The following PDZD2 variants were observed in gnomAD, a reference collection of about 807,000 sequenced individuals.
PDZD2 encodes PDZ domain containing 2.
PDZD2 carries 90 observed loss-of-function variants against 220.7 expected under a neutral mutation model. That is an observed-to-expected ratio of 0.41 (90% CI 0.34 to 0.49). PDZD2 has a LOEUF of 0.49. Among genes scored for constraint, PDZD2 ranks in the 20% least tolerant of loss-of-function variants. PDZD2 has a pLI of 0.28. For missense variants in PDZD2, 3,174 were observed against 3,608.5 expected (o/e 0.88, Z 3.08); for synonymous variants, 1,375 against 1,450.5 (o/e 0.95, Z 1.18).
At position 32,087,895 on chromosome 5, in the gene PDZD2, C is replaced by G. The variant is rs1554040817; in HGVS notation, c.4447C>G (p.Pro1483Ala). ...EPVPGGQTSS[P>A]RRAWAAGAPA... ...AGTCCCGGGGGGCCAGACCTCCTCCCCGAGGAGGGCCTGGGCTGCTGGTGC... is the reference window on the plus strand; with the variant it reads ...AGTCCCGGGGGGCCAGACCTCCTCCGCGAGGAGGGCCTGGGCTGCTGGTGC... Residue 1483 changes from proline (P) to alanine (A), a missense_variant, in exon 20 of 25, where the codon CCG (proline) becomes GCG (alanine). Transcript: ENST00000438447. This position sits in a 1 kb window ranked among gnomAD's most constrained non-coding sequence, Gnocchi z 4.0. 1 of 1,613,070 alleles carries G rather than the reference C, an allele frequency of 6.2e-7. No individual in the cohort carries two copies. Among genetic ancestry groups the G allele is most frequent in the Admixed American group, 1.7e-5 (1 of 59,904 alleles).
Position 31,916,959 on chromosome 5 carries a change from T to C in PDZD2, c.477-66196T>C, listed in dbSNP as rs778383519. Among the ~76,000 whole-genome samples the C allele has an allele frequency of 7.9e-5, 12 of 152,094 alleles. 1 individual carries two copies. The highest frequency in any genetic ancestry group is 1.5e-4 in the Non-Finnish European group (10 of 68,020). On this transcript the variant is annotated intron_variant, in intron 2 of 24. Coordinates refer to ENST00000438447, the MANE Select transcript of PDZD2 (RefSeq NM_178140.4). ...ACTGTTTATAAACTCCATAAAACCA[T>C]GTGCAAATGTGGGGAACTTAGGCTG...
intron 2 of PDZD2, among the ~76,000 whole-genome samples, chr5:31,901,039 T>C (rs1233542506): frequency 6.6e-6 from 1 of 152,158 alleles, no homozygotes; most frequent in East Asian, 1.9e-4. Context: ...GAAGGGGAGT[T>C]GGAGGCAAGA....
intron 19 of PDZD2, among the ~76,000 whole-genome samples, chr5:32,086,781 A>G (rs112130045): frequency 0.034 from 5,127 of 150,930 alleles, 314 homozygotes; most frequent in African/African-American, 0.12. Context: ...GGTTCAAGCA[A>G]TTCTCCTGCC....
At chr5:31,837,863 G>A (rs181458130) in intron 2 of PDZD2, among the ~76,000 whole-genome samples, 3 of 152,200 alleles carry the variant, frequency 2.0e-5, no homozygotes, top group Admixed American at 2.0e-4. Context: ...CTTTGGCCTG[G>A]GTGAGTGACA....
At chr5:31,938,042 G>GA (rs1561132722) in intron 2 of PDZD2, among the ~76,000 whole-genome samples, 1 of 152,156 alleles carries the variant, frequency 6.6e-6, no homozygotes, top group Non-Finnish European at 1.5e-5. Flanking sequence ...CCGATCTTTA[G>GA]AAAAAAACAT....
intron 2 of PDZD2, among the ~76,000 whole-genome samples, chr5:31,889,329 G>A (rs768033288): frequency 8.5e-5 from 13 of 152,160 alleles, no homozygotes; most frequent in Non-Finnish European, 2.9e-5. Context: ...TTCTGTTTCG[G>A]CCTTTTCTTT....
rs1244346896 is a variant in PDZD2 at position 32,109,804 on chromosome 5, T to C, written c.*1669T>C. The C allele has an allele frequency of 6.6e-6, 1 of 152,618 alleles. No individual in the cohort carries two copies. The highest frequency in any genetic ancestry group is 1.9e-4 in the East Asian group (1 of 5,206). 9.5% of individuals were successfully genotyped at this position (152,618 alleles called of 1,614,324 possible). A position where few individuals can be genotyped will look rare whatever the true frequency, so the allele number is the denominator to read the frequency against. On this transcript the variant is annotated 3_prime_UTR_variant, in exon 25 of 25. Coordinates refer to ENST00000438447, the MANE Select transcript of PDZD2 (RefSeq NM_178140.4). The stretch of plus-strand genomic sequence containing the variant: ...CTTTAGCCATCAGCTTTGTACATCA[T>C]CATTTTTCTGAATGACCAATCCCAC...
chr5:31,936,306 A>C (rs1167949371), intron 2 of PDZD2: 1 of 987,434 alleles, frequency 1.0e-6, no homozygotes, highest in African/African-American at 1.7e-5. Flanking sequence ...AGGCTGCTGA[A>C]GCACAGCAGA....
intron 1 of PDZD2, among the ~76,000 whole-genome samples, chr5:31,741,436 T>C (rs774672312): frequency 6.6e-6 from 1 of 151,910 alleles, no homozygotes; most frequent in Non-Finnish European, 1.5e-5. Flanking sequence ...CATAGCTCCA[T>C]GGTGAATTAG....
intron 1 of PDZD2, among the ~76,000 whole-genome samples, chr5:31,667,543 G>C (rs1746043259): frequency 6.6e-6 from 1 of 151,638 alleles, no homozygotes; most frequent in Non-Finnish European, 1.5e-5. Context: ...ATGAGGAGAG[G>C]CCTGAGCTAT....
intron 6 of PDZD2, among the ~76,000 whole-genome samples, chr5:32,015,222 G>A (rs946263317): frequency 5.3e-5 from 8 of 151,882 alleles, no homozygotes; most frequent in African/African-American, 1.7e-4. Flanking sequence ...GATTACAGTC[G>A]GTAGCCACCG....
chr5:31,699,718 C>T (rs59535509), intron 1 of PDZD2, among the ~76,000 whole-genome samples: 21,959 of 151,704 alleles, frequency 0.14, 1,650 homozygotes, highest in East Asian at 0.24. Flanking sequence ...GTTCTCATGC[C>T]TCAGCCTCCT....
At chr5:31,649,421 T>G (rs1437797558) in intron 1 of PDZD2, among the ~76,000 whole-genome samples, 3 of 150,548 alleles carry the variant, frequency 2.0e-5, no homozygotes, top group Non-Finnish European at 4.4e-5. Context: ...CCCCAGATCT[T>G]CACAAGAACA....
chr5:32,054,387 G>A (rs1264248848), intron 10 of PDZD2, among the ~76,000 whole-genome samples: 1 of 129,826 alleles, frequency 7.7e-6, no homozygotes, highest in African/African-American at 2.9e-5. Flanking sequence ...GCAGTGGCAT[G>A]ATCATGGCTC....
In PDZD2 at chr5:32,010,370, G is replaced by T; in HGVS notation, c.1295G>T (p.Ser432Ile). ...GACCTCCTCAGGTTAACATCTAAGA[G>T]CTTGCCAGATCTGACCAGCTCGGTA... ...AEDLLRLTSK[S>I]LPDLTSSVED... Residue 432 changes from serine to isoleucine, a missense_variant, in exon 6 of 25, where the codon AGC (serine) becomes ATC (isoleucine). Transcript: ENST00000438447. 6.2e-7 allele frequency: 1 copy of T among 1,611,784 alleles called. No individual in the cohort carries two copies. Among genetic ancestry groups the T allele is most frequent in the South Asian group, 1.1e-5 (1 of 91,002 alleles).
intron 6 of PDZD2, among the ~76,000 whole-genome samples, chr5:32,028,666 T>TTG (rs1754867418): frequency 2.4e-5 from 3 of 126,344 alleles, no homozygotes; most frequent in Admixed American, 8.5e-5. Context: ...CCTTCTATTT[T>TTG]TTTTTTTTGT....
rs79551610 is a variant in PDZD2, at chr5:31,647,217, T to C, written c.-361+7780T>C. 8.4e-3 allele frequency among the ~76,000 whole-genome samples: 1,274 copies of C among 152,296 alleles called. 18 individuals carry two copies. Among genetic ancestry groups the C allele is most frequent in the African/African-American group, 0.028 (1,183 of 41,550 alleles). On this transcript the variant is annotated intron_variant, in intron 1 of 24. Coordinates refer to ENST00000438447, the MANE Select transcript of PDZD2 (RefSeq NM_178140.4). ...CTTCAGGATCCAGTACAATGCCTAGTACATGGGTAAAAATTAAAATTATTT... is the reference window on the plus strand; with the variant it reads ...CTTCAGGATCCAGTACAATGCCTAGCACATGGGTAAAAATTAAAATTATTT...
At chr5:32,052,426 A>G (rs147464148) in intron 8 of PDZD2, 185 bp from the exon 9 acceptor site, 12,267 of 535,768 alleles carry the variant, frequency 0.023, 188 homozygotes, top group Non-Finnish European at 0.03. Context: ...GATTACAGGC[A>G]TGAGCCACGG....
intron 2 of PDZD2, among the ~76,000 whole-genome samples, chr5:31,899,275 C>T (rs946534802): frequency 6.6e-6 from 1 of 152,120 alleles, no homozygotes; most frequent in East Asian, 1.9e-4. Context: ...GGATTACAGG[C>T]ACGTGTTACC....
Sources: allele counts gnomAD v4.1 joint callset (sites outside exome capture counted in the v4.1 genomes callset), GRCh38; gene constraint gnomAD v4.1.1; non-coding constraint Gnocchi (gnomAD v3.1); transcripts MANE v1.5; gene names NCBI Gene and HGNC (gene_info 2026-07-23, HGNC 2026-07-21).